The following CNTNAP5 variants were observed in gnomAD, a reference collection of about 807,000 sequenced individuals.
The protein encoded by CNTNAP5 is contactin-associated protein-like 5.
A neutral mutation model predicts 150.2 loss-of-function variants in CNTNAP5; 72 were observed. That is an observed-to-expected ratio of 0.48 (90% CI 0.40 to 0.58). The LOEUF is 0.58. Among genes scored for constraint, CNTNAP5 ranks in the 20% least tolerant of loss-of-function variants. The pLI, the probability that CNTNAP5 is intolerant of heterozygous loss-of-function variation, is 0.00. For synonymous variants in CNTNAP5, 672 were observed against 619.8 expected, an observed-to-expected ratio of 1.08 and a Z score of -1.25; for missense variants, 1,636 against 1,626.2, an observed-to-expected ratio of 1.01 and a Z score of -0.10.
At chr2:124,468,988 A>G (rs1032632356) in intron 6 of CNTNAP5, among the ~76,000 whole-genome samples, 6 of 152,220 alleles carry the variant, frequency 3.9e-5, no homozygotes, top group Non-Finnish European at 8.8e-5. Context: ...CATCACTGCT[A>G]TGGGTACTTC....
intron 3 of CNTNAP5, among the ~76,000 whole-genome samples, chr2:124,310,396 C>T (rs917290311): frequency 6.6e-6 from 1 of 151,986 alleles, no homozygotes; most frequent in Non-Finnish European, 1.5e-5. Context: ...GGTTGGTAAA[C>T]TCTTTCCCCT....
At chr2:124,585,669 C>CAT (rs1696513313) in intron 11 of CNTNAP5, among the ~76,000 whole-genome samples, 1 of 66,408 alleles carries the variant, frequency 1.5e-5, no homozygotes, top group Non-Finnish European at 2.7e-5. Context: ...GAGCTTGAAG[C>CAT]TTTTTTTTTT....
chr2:124,770,902 T>C (rs978840180), intron 16 of CNTNAP5, among the ~76,000 whole-genome samples: 2 of 152,202 alleles, frequency 1.3e-5, no homozygotes, highest in African/African-American at 4.8e-5. Context: ...TTTATTCCCA[T>C]TTTACAGACA....
chr2:124,236,994 T>C (rs1686765854), intron 2 of CNTNAP5, among the ~76,000 whole-genome samples: 1 of 151,966 alleles, frequency 6.6e-6, no homozygotes, highest in South Asian at 2.1e-4. Context: ...CTGGGTGTAG[T>C]GGCGGGCATC....
intron 21 of CNTNAP5, among the ~76,000 whole-genome samples, chr2:124,880,860 C>G (rs574465581): frequency 6.6e-6 from 1 of 152,034 alleles, no homozygotes; most frequent in East Asian, 1.9e-4. Context: ...GCTGAGATGA[C>G]CCAGAATGTT....
intron 1 of CNTNAP5, among the ~76,000 whole-genome samples, chr2:124,164,009 A>G (rs1684752042): frequency 6.6e-6 from 1 of 152,130 alleles, no homozygotes; most frequent in Non-Finnish European, 1.5e-5. Flanking sequence ...ATCTGTGTTT[A>G]TCCCTAGTAT....
intron 1 of CNTNAP5, among the ~76,000 whole-genome samples, chr2:124,175,658 C>A (rs1359843302): frequency 6.6e-6 from 1 of 152,140 alleles, no homozygotes; most frequent in Non-Finnish European, 1.5e-5. Context: ...GTTTAGCCCC[C>A]ACTTATAAGT....
chr2:124,694,019 A>G (rs996012411), intron 13 of CNTNAP5, among the ~76,000 whole-genome samples: 2 of 152,040 alleles, frequency 1.3e-5, no homozygotes, highest in Non-Finnish European at 2.9e-5. Flanking sequence ...GATTTCGTAT[A>G]AACAACTGTG....
chr2:124,153,910 G>C (rs1684464995), intron 1 of CNTNAP5, among the ~76,000 whole-genome samples: 1 of 151,936 alleles, frequency 6.6e-6, no homozygotes, highest in Non-Finnish European at 1.5e-5. Context: ...ACTAAGCCGG[G>C]CCCTGGGGCT....
At chr2:124,504,971 G>A (rs919860262) in intron 8 of CNTNAP5, among the ~76,000 whole-genome samples, 8 of 152,054 alleles carry the variant, frequency 5.3e-5, no homozygotes, top group African/African-American at 1.9e-4. Context: ...CTCTCACAGT[G>A]CTGGGATTAC....
intron 1 of CNTNAP5, among the ~76,000 whole-genome samples, chr2:124,067,156 C>T (rs1055912107): frequency 3.9e-5 from 6 of 152,172 alleles, no homozygotes; most frequent in Non-Finnish European, 7.3e-5. Context: ...CTTGGGTGAA[C>T]ACACAAAATC....
intron 3 of CNTNAP5, among the ~76,000 whole-genome samples, chr2:124,413,915 A>G (rs1691847054): frequency 6.6e-6 from 1 of 151,898 alleles, no homozygotes; most frequent in African/African-American, 2.4e-5. Context: ...AAAAAAAAGA[A>G]CTTCGGAGAA....
chr2:124,638,000 A>G (rs1678006675), intron 12 of CNTNAP5, among the ~76,000 whole-genome samples: 1 of 152,002 alleles, frequency 6.6e-6, no homozygotes, highest in South Asian at 2.1e-4. Flanking sequence ...ACCAAGACCT[A>G]GATGTTTGTT....
At chr2:124,786,363 G>GAA (rs1172305180) in intron 17 of CNTNAP5, among the ~76,000 whole-genome samples, 1 of 56,370 alleles carries the variant, frequency 1.8e-5, no homozygotes, top group South Asian at 7.1e-4. Flanking sequence ...AAGAAAGAAA[G>GAA]AAAGAAAGAA....
chr2:124,446,775 C>T lies in CNTNAP5; in HGVS notation c.756C>T (p.Ser252=). 1 of 1,613,700 alleles carries T rather than the reference C, an allele frequency of 6.2e-7. No homozygotes were observed. Among genetic ancestry groups the T allele is most frequent in the Non-Finnish European group, 8.5e-7 (1 of 1,179,714 alleles). Residue 252 remains serine, a synonymous_variant, in exon 6 of 24, where the codon AGC becomes AGT. Coordinates refer to ENST00000682447, the MANE Select transcript of CNTNAP5 (RefSeq NM_001367498.1). ...CAGGTGACAGCAAAGCGCGGCTCAGCAGCAGCTTGCCCTCTGCCACCCTGG... is the reference window on the plus strand; with the variant it reads ...CAGGTGACAGCAAAGCGCGGCTCAGTAGCAGCTTGCCCTCTGCCACCCTGG... ...LNLGDSKARL[S]SSLPSATLGS...
At chr2:124,568,345 A>C (rs1430571383) in intron 11 of CNTNAP5, among the ~76,000 whole-genome samples, 1 of 152,232 alleles carries the variant, frequency 6.6e-6, no homozygotes, top group East Asian at 1.9e-4. Flanking sequence ...TGTCGAAAAC[A>C]GACTGTCAAG....
chr2:124,442,052 T>G (rs1290516165), intron 5 of CNTNAP5, among the ~76,000 whole-genome samples: 1 of 152,182 alleles, frequency 6.6e-6, no homozygotes, highest in Non-Finnish European at 1.5e-5. Context: ...GTAGTCACTA[T>G]TTAAGAAGAA....
intron 3 of CNTNAP5, among the ~76,000 whole-genome samples, chr2:124,373,034 C>A (rs1204858121): frequency 2.6e-5 from 4 of 152,012 alleles, no homozygotes; most frequent in Non-Finnish European, 4.4e-5. Flanking sequence ...GACTACCATT[C>A]AAACTGAAGA....
Position 124,203,519 on chromosome 2 carries a change from A to G in CNTNAP5, c.83-18186A>G, listed in dbSNP as rs1685780445. Among the ~76,000 whole-genome samples the G allele has an allele frequency of 2.0e-5, 3 of 151,942 alleles. 1 individual carries two copies. In the South Asian group the frequency reaches 6.2e-4, roughly 32 times the overall value. Reference sequence around the variant, plus strand: ...CTCCAACCCCACATTTTCCTTCCTCACTTCCCTAGCAGAAGTTCTCCATGA... The same window carrying G: ...CTCCAACCCCACATTTTCCTTCCTCGCTTCCCTAGCAGAAGTTCTCCATGA... On this transcript the variant is annotated intron_variant, in intron 1 of 23. Transcript: ENST00000682447.
Sources: gnomAD v4.1 joint callset for allele counts (sites outside exome capture counted in the v4.1 genomes callset) on GRCh38, gnomAD v4.1.1 for gene constraint, MANE v1.5 for transcripts, NCBI Gene and HGNC (gene_info 2026-07-23, HGNC 2026-07-21) for gene names.